CCBE1: variants seen among roughly 807,000 people sequenced by gnomAD.
The protein encoded by CCBE1 is collagen and calcium-binding EGF domain-containing protein 1.
A neutral mutation model predicts 50.0 loss-of-function variants in CCBE1; 37 were observed. That is an observed-to-expected ratio of 0.74 (90% confidence interval 0.57 to 0.97). CCBE1 has a LOEUF of 0.97. Ranked by LOEUF, CCBE1 falls within the 50% of genes least tolerant of loss-of-function variation. The pLI is 0.00. For missense variants in CCBE1, 538 were observed against 523.8 expected (o/e 1.03, Z -0.26); for synonymous variants, 234 against 203.7 (o/e 1.15, Z -1.27).
intron 2 of CCBE1, among the ~76,000 whole-genome samples, chr18:59,599,091 T>C (rs1456237338): frequency 2.0e-5 from 3 of 152,184 alleles, no homozygotes; most frequent in Admixed American, 2.0e-4. Context: ...TTTCTTCTTC[T>C]ACTACTACTT....
At chr18:59,477,439 G>A (rs1055873396) in intron 3 of CCBE1, among the ~76,000 whole-genome samples, 5 of 152,084 alleles carry the variant, frequency 3.3e-5, no homozygotes, top group East Asian at 1.9e-4. Context: ...AAGGTGGCAG[G>A]TTACATGTAT....
intron 2 of CCBE1, among the ~76,000 whole-genome samples, chr18:59,691,700 A>T (rs191910732): frequency 6.6e-6 from 1 of 152,168 alleles, no homozygotes; most frequent in Admixed American, 6.5e-5. Flanking sequence ...CACCGCGCCC[A>T]GCTAGAGTTC....
chr18:59,458,754 G>A lies in CCBE1; in HGVS notation c.554-3803C>T, dbSNP rs555164294. Among the ~76,000 whole-genome samples the A allele has an allele frequency of 4.6e-5, 7 of 152,294 alleles. No individual in the cohort carries two copies. The South Asian group carries it at 6.2e-4, about 14-fold the overall frequency. ...TGAGAACACCTGAGAGCTATCTGTC[G>A]GCCAGGCTCCAGGGCAGAAGCTCTG... On this transcript the variant is annotated intron_variant, in intron 5 of 10. Coordinates refer to ENST00000439986, the MANE Select transcript of CCBE1 (RefSeq NM_133459.4).
intron 2 of CCBE1, among the ~76,000 whole-genome samples, chr18:59,619,286 G>T (rs184802743): frequency 5.9e-5 from 9 of 152,148 alleles, no homozygotes; most frequent in African/African-American, 2.2e-4. Flanking sequence ...CAAATTGAAA[G>T]CCAGGTGTAT....
chr18:59,561,353 T>C (rs951740836), intron 2 of CCBE1, among the ~76,000 whole-genome samples: 1 of 152,186 alleles, frequency 6.6e-6, no homozygotes, highest in African/African-American at 2.4e-5. Flanking sequence ...GCAAAACCTG[T>C]ATATCAAACC....
intron 2 of CCBE1, among the ~76,000 whole-genome samples, chr18:59,567,798 C>G (rs148427876): frequency 2.0e-5 from 3 of 152,180 alleles, no homozygotes; most frequent in Non-Finnish European, 4.4e-5. Context: ...AAAAGATGAT[C>G]GTACTTAAAA....
intron 2 of CCBE1, among the ~76,000 whole-genome samples, chr18:59,492,615 A>G (rs1380108833): frequency 6.6e-6 from 1 of 152,182 alleles, no homozygotes; most frequent in Non-Finnish European, 1.5e-5. Context: ...TCAATGCCCT[A>G]GTGATGTAGA....
intron 7 of CCBE1, among the ~76,000 whole-genome samples, chr18:59,442,931 T>G (rs1449248198): frequency 6.6e-6 from 1 of 152,172 alleles, no homozygotes; most frequent in Non-Finnish European, 1.5e-5. Context: ...ACTGCTCCCC[T>G]GCCCAGCTCC....
At chr18:59,457,198 C>G (rs1911236133) in intron 5 of CCBE1, among the ~76,000 whole-genome samples, 1 of 152,182 alleles carries the variant, frequency 6.6e-6, no homozygotes, top group Non-Finnish European at 1.5e-5. Context: ...TAGGCGAATT[C>G]CCGTAGCTTC....
chr18:59,517,959 C>A (rs570077842), intron 2 of CCBE1, among the ~76,000 whole-genome samples: 1 of 152,288 alleles, frequency 6.6e-6, no homozygotes, highest in African/African-American at 2.4e-5. Context: ...GGTGTGCTGT[C>A]TCCTATGTCA....
At chr18:59,661,529 G>C (rs1208561425) in intron 2 of CCBE1, among the ~76,000 whole-genome samples, 3 of 151,754 alleles carry the variant, frequency 2.0e-5, no homozygotes, top group Non-Finnish European at 2.9e-5. Flanking sequence ...ATTCTAGAAG[G>C]TAACCTCAGA....
chr18:59,437,083 C>G (rs1458623192), intron 10 of CCBE1, among the ~76,000 whole-genome samples: 3 of 152,228 alleles, frequency 2.0e-5, no homozygotes, highest in Non-Finnish European at 4.4e-5. Context: ...AAGACGTCAA[C>G]TCCTCGTTGA....
chr18:59,597,832 T>C (rs1019632049), intron 2 of CCBE1, among the ~76,000 whole-genome samples: 4 of 152,264 alleles, frequency 2.6e-5, no homozygotes, highest in Admixed American at 6.5e-5. Flanking sequence ...CTCGAAACCA[T>C]TGAACACAGT....
intron 2 of CCBE1, among the ~76,000 whole-genome samples, chr18:59,586,681 A>G (rs927081707): frequency 6.6e-6 from 1 of 152,252 alleles, no homozygotes; most frequent in African/African-American, 2.4e-5. Flanking sequence ...CCTCCTCTGC[A>G]TGACAAAGCC....
chr18:59,679,088 G>A (rs1016916211), intron 2 of CCBE1, among the ~76,000 whole-genome samples: 1 of 152,136 alleles, frequency 6.6e-6, no homozygotes, highest in Non-Finnish European at 1.5e-5. Context: ...TGCCTTTGAG[G>A]TGAAGTAATT....
At chr18:59,551,253 C>A (rs917239692) in intron 2 of CCBE1, among the ~76,000 whole-genome samples, 1 of 151,988 alleles carries the variant, frequency 6.6e-6, no homozygotes, top group African/African-American at 2.4e-5. Flanking sequence ...ATACTGTATG[C>A]AATTGTAACA....
chr18:59,641,741 TG>T (rs1475370888), intron 2 of CCBE1, among the ~76,000 whole-genome samples: 3 of 152,074 alleles, frequency 2.0e-5, no homozygotes, highest in African/African-American at 7.2e-5. Context: ...AACAGGTGAA[TG>T]GAACAAAATC....
chr18:59,441,734 T>C (rs1910434822), intron 7 of CCBE1, among the ~76,000 whole-genome samples: 1 of 152,098 alleles, frequency 6.6e-6, no homozygotes, highest in East Asian at 1.9e-4. Context: ...GAAAACAATA[T>C]AGGCTCATCA....
intron 2 of CCBE1, among the ~76,000 whole-genome samples, chr18:59,516,236 G>GTT (rs1352175923): frequency 3.3e-5 from 5 of 149,524 alleles, no homozygotes; most frequent in Non-Finnish European, 5.9e-5. Flanking sequence ...TGGGATTACA[G>GTT]TTTGTTTTTT....
Sources: gnomAD v4.1 joint callset for allele counts (sites outside exome capture counted in the v4.1 genomes callset) on GRCh38, gnomAD v4.1.1 for gene constraint, MANE v1.5 for transcripts, NCBI Gene and HGNC (gene_info 2026-07-23, HGNC 2026-07-21) for gene names.